Variants in STPG2 observed in about 807,000 individuals in gnomAD.
STPG2 encodes the protein sperm-tail PG-rich repeat-containing protein 2.
STPG2 carries 56 observed loss-of-function variants against 54.2 expected under a neutral mutation model. That is an observed-to-expected ratio of 1.03 (90% CI 0.83 to 1.29). STPG2 has a LOEUF of 1.29. STPG2 is among the 50% of genes most tolerant of loss of function. The probability of loss-of-function intolerance (pLI) is 0.00; values close to 1 mark genes in which losing one functional copy is unlikely to be tolerated. For synonymous variants in STPG2, 200 were observed against 181.8 expected (o/e 1.10, Z -0.81); for missense variants, 596 against 544.9 (o/e 1.09, Z -0.93).
chr4:98,005,657 AT>A (rs1314591408), intron 5 of STPG2, among the ~76,000 whole-genome samples: 1 of 152,122 alleles, frequency 6.6e-6, no homozygotes, highest in Non-Finnish European at 1.5e-5. Flanking sequence ...TATTCTTGTA[AT>A]GTGATATATC....
chr4:97,531,642 G>A (rs1731416337), intron 4 of STPG2, among the ~76,000 whole-genome samples: 1 of 152,144 alleles, frequency 6.6e-6, no homozygotes, highest in Admixed American at 6.6e-5. Context: ...TCACTTATTT[G>A]TGGGAGCTAA....
intron 10 of STPG2, among the ~76,000 whole-genome samples, chr4:97,685,581 A>T (rs10005628): frequency 0.59 from 89,528 of 152,022 alleles, 26,685 homozygotes; most frequent in South Asian, 0.68. Flanking sequence ...ATAGAGCTTT[A>T]TTAAGGCAGT....
At chr4:97,625,710 A>G (rs1734121805) in intron 10 of STPG2, among the ~76,000 whole-genome samples, 1 of 152,218 alleles carries the variant, frequency 6.6e-6, no homozygotes, top group South Asian at 2.1e-4. Context: ...CTCCAGTGAA[A>G]TATGAATGAC....
chr4:98,136,876 T>C (rs1740148782), intron 1 of STPG2, among the ~76,000 whole-genome samples: 1 of 151,524 alleles, frequency 6.6e-6, no homozygotes, highest in South Asian at 2.1e-4. Context: ...AATAAGCCAA[T>C]AGTGGACATA....
intron 5 of STPG2, among the ~76,000 whole-genome samples, chr4:98,042,531 T>C (rs1396807243): frequency 6.6e-6 from 1 of 151,954 alleles, no homozygotes; most frequent in Non-Finnish European, 1.5e-5. Context: ...CCCATTTTTA[T>C]TCATTTCAAA....
At chr4:97,467,997 G>T (rs749504167) in intron 4 of STPG2, among the ~76,000 whole-genome samples, 38 of 151,668 alleles carry the variant, frequency 2.5e-4, no homozygotes, top group Admixed American at 1.1e-3. Flanking sequence ...AAAAAGAGAG[G>T]CATTAGCATG....
chr4:98,096,835 G>T (rs1738874434), intron 5 of STPG2, among the ~76,000 whole-genome samples: 1 of 152,114 alleles, frequency 6.6e-6, no homozygotes, highest in South Asian at 2.1e-4. Flanking sequence ...GATCATTAGT[G>T]GCTACTATGA....
chr4:97,566,210 G>C (rs1314474763), intron 10 of STPG2, among the ~76,000 whole-genome samples: 1 of 152,186 alleles, frequency 6.6e-6, no homozygotes, highest in African/African-American at 2.4e-5. Flanking sequence ...AGCAATCAGT[G>C]ATACTCCATG....
At chr4:97,587,821 C>A (rs1733038081) in intron 10 of STPG2, among the ~76,000 whole-genome samples, 1 of 151,952 alleles carries the variant, frequency 6.6e-6, no homozygotes, top group African/African-American at 2.4e-5. Flanking sequence ...AGGAATTAAA[C>A]ATTAGGGATA....
chr4:97,799,886 T>C (rs1727325623), intron 9 of STPG2, among the ~76,000 whole-genome samples: 1 of 152,228 alleles, frequency 6.6e-6, no homozygotes, highest in South Asian at 2.1e-4. Flanking sequence ...TCATTTCTTT[T>C]TACCCTTTTT....
At chr4:97,527,107 G>A (rs540717491) in intron 4 of STPG2, among the ~76,000 whole-genome samples, 4 of 151,542 alleles carry the variant, frequency 2.6e-5, no homozygotes, top group East Asian at 2.0e-4. Context: ...CCATCAACCC[G>A]TCATCAACAT....
chr4:97,952,750 G>T (rs1211104387), intron 7 of STPG2, among the ~76,000 whole-genome samples: 1 of 152,152 alleles, frequency 6.6e-6, no homozygotes, highest in Admixed American at 6.6e-5. Flanking sequence ...TCAAATGCTG[G>T]TGGTGGTAGT....
intron 10 of STPG2, among the ~76,000 whole-genome samples, chr4:97,625,977 GCTT>G (rs1734127987): frequency 6.6e-6 from 1 of 152,124 alleles, no homozygotes; most frequent in Admixed American, 6.5e-5. Flanking sequence ...CTACAGTTGA[GCTT>G]CTTAAAGTTG....
In STPG2 at chr4:98,109,275, CTTTGTATT is replaced by C. The variant is rs781317358; in HGVS notation, c.410_417del (p.Lys137ArgfsTer15). On this transcript the variant is annotated frameshift_variant, in exon 4 of 11. Transcript: ENST00000295268. LOFTEE classifies it high-confidence loss of function. ...CCTGAAGAGTTGCCAAAATGTATAC[CTTTGTATT>C]TCAAAGTTGCATTGGAAACATCCTA... 12 of 1,604,994 alleles carry C rather than the reference CTTTGTATT, an allele frequency of 7.5e-6. No individual in the cohort carries two copies. The highest frequency in any genetic ancestry group is 1.0e-5 in the Non-Finnish European group (12 of 1,176,252).
At chr4:97,459,533 G>A (rs1441820770) in intron 4 of STPG2, among the ~76,000 whole-genome samples, 1 of 146,988 alleles carries the variant, frequency 6.8e-6, no homozygotes, top group Non-Finnish European at 1.5e-5. Context: ...TCCGCCTCCC[G>A]GGTTCACGCC....
chr4:98,043,343 TAAAG>T (rs1737023719), intron 5 of STPG2, among the ~76,000 whole-genome samples: 1 of 152,098 alleles, frequency 6.6e-6, no homozygotes, highest in Non-Finnish European at 1.5e-5. Flanking sequence ...TAATTATTAA[TAAAG>T]ATTTACTATT....
chr4:97,922,703 A>G (rs1302387634), intron 8 of STPG2, among the ~76,000 whole-genome samples: 1 of 152,232 alleles, frequency 6.6e-6, no homozygotes, highest in Non-Finnish European at 1.5e-5. Flanking sequence ...TCCTGCAAAC[A>G]GGAGATGCTA....
chr4:97,587,463 A>T (rs1043504986), intron 10 of STPG2, among the ~76,000 whole-genome samples: 1 of 151,984 alleles, frequency 6.6e-6, no homozygotes, highest in Non-Finnish European at 1.5e-5. Flanking sequence ...ATATTTCAGA[A>T]ATGAGAAAAA....
intron 5 of STPG2, among the ~76,000 whole-genome samples, chr4:98,092,312 A>G (rs955033818): frequency 6.6e-6 from 1 of 152,064 alleles, no homozygotes; most frequent in Non-Finnish European, 1.5e-5. Context: ...AGAATTTGAG[A>G]TACAGTAACT....
Sources: gnomAD v4.1 joint callset for allele counts (sites outside exome capture counted in the v4.1 genomes callset) on GRCh38, gnomAD v4.1.1 for gene constraint, MANE v1.5 for transcripts, NCBI Gene and HGNC (gene_info 2026-07-23, HGNC 2026-07-21) for gene names.